Variants in PROKR1 observed in about 807,000 individuals in gnomAD.
PROKR1 encodes prokineticin receptor 1, also known as G protein-coupled receptor 73.
A neutral mutation model predicts 22.8 loss-of-function variants in PROKR1; 21 were observed. That is an observed-to-expected ratio of 0.92 (90% CI 0.65 to 1.32). The LOEUF (loss-of-function observed/expected upper bound fraction) is 1.32, where lower values mean the gene tolerates loss of function less well. PROKR1 is among the 40% of genes most tolerant of loss of function. PROKR1 has a pLI of 0.00. For synonymous variants in PROKR1, 193 were observed against 207.5 expected, an observed-to-expected ratio of 0.93 and a Z score of 0.60; for missense variants, 548 against 514.2, an observed-to-expected ratio of 1.07 and a Z score of -0.64.
Position 68,646,170 on chromosome 2 carries a change from C to T in PROKR1, c.349C>T (p.Pro117Ser), listed in dbSNP as rs778454102. 6.2e-7 allele frequency: 1 copy of T among 1,607,690 alleles called. No homozygotes were observed. Among genetic ancestry groups the T allele is most frequent in the Non-Finnish European group, 8.5e-7 (1 of 1,176,006 alleles). ...CTTCCTGGTGGCCATTGTCTGCTGCCCCTTTGAGATGGACTACTATGTGGT... is the reference window on the plus strand; with the variant it reads ...CTTCCTGGTGGCCATTGTCTGCTGCTCCTTTGAGATGGACTACTATGTGGT... ...SDFLVAIVCC[P>S]FEMDYYVVRQ... The change falls in exon 2 of 3, where the codon CCC (proline) becomes TCC (serine). Residue 117 changes from proline to serine, a missense_variant. By Grantham distance (74) the Pro-to-Ser change is moderately conservative. Transcript: ENST00000303786.
rs1673499941 is a variant in PROKR1, at chr2:68,657,634, G to C, written c.*2058G>C. 1 of 152,154 alleles carries C rather than the reference G, an allele frequency of 6.6e-6. No homozygotes were observed. The highest frequency in any genetic ancestry group is 1.5e-5 in the Non-Finnish European group (1 of 68,024). 9.4% of individuals were successfully genotyped at this position (152,154 alleles called of 1,614,324 possible). ...TGTTTTTATTCTCACGAGTGTGTAG[G>C]CTACAGCGTGGACTTGTCTTTTTCT... On this transcript the variant is annotated 3_prime_UTR_variant, in exon 3 of 3. Coordinates refer to ENST00000303786, the MANE Select transcript of PROKR1 (RefSeq NM_138964.4).
In PROKR1 at chr2:68,645,924, T is replaced by C. The variant is rs1355234114; in HGVS notation, c.103T>C (p.Phe35Leu). 1.2e-6 allele frequency: 2 copies of C among 1,614,178 alleles called. No homozygotes were observed. The highest frequency in any genetic ancestry group is 1.7e-6 in the Non-Finnish European group (2 of 1,180,028). Residue 35 changes from phenylalanine (F) to leucine (L), a missense_variant, in exon 2 of 3, where the codon TTC becomes CTC. Coordinates refer to ENST00000303786, the MANE Select transcript of PROKR1 (RefSeq NM_138964.4). ...PHGAHATSFPFNFSYSDYDMP... is the reference protein window; with the variant it reads ...PHGAHATSFPLNFSYSDYDMP... ...TGGAGCCCATGCCACTTCCTTCCCATTCAACTTCAGCTACAGCGACTATGA... is the reference window on the plus strand; with the variant it reads ...TGGAGCCCATGCCACTTCCTTCCCACTCAACTTCAGCTACAGCGACTATGA...
In PROKR1 at chr2:68,654,880, G is replaced by T. The variant is rs1012305927; in HGVS notation, c.486G>T (p.Arg162Ser). The T allele has an allele frequency of 1.2e-5, 20 of 1,610,676 alleles. No homozygotes were observed. Among genetic ancestry groups the T allele is most frequent in the Non-Finnish European group, 1.6e-5 (19 of 1,177,884 alleles). The stretch of plus-strand genomic sequence containing the variant: ...GCCTCCACTTGTGTTCTTGCCCTAG[G>T]TATCTGGCTATTGTCCATCCGCTGA... ...TNALLAIAID[R>S]YLAIVHPLRP... Residue 162 changes from arginine (R) to serine (S), a missense_variant and splice_region_variant, in exon 3 of 3, where the codon AGG (arginine) becomes AGT (serine). By Grantham distance (110) the Arg-to-Ser change is moderately radical. Transcript: ENST00000303786.
chr2:68,655,573 A>C lies in PROKR1; in HGVS notation c.1179A>C (p.Lys393Asn). 1 of 1,613,758 alleles carries C rather than the reference A, an allele frequency of 6.2e-7. No individual in the cohort carries two copies. Among genetic ancestry groups the C allele is most frequent in the African/African-American group, 1.3e-5 (1 of 75,064 alleles). ...AAGAGGTGGACTGCATCAGACTAAA[A>C]TAACCCCCTGGACTTTGCAAAGTTT... is the stretch of plus-strand genomic sequence containing the variant. ...ATEEVDCIRLK is the reference protein window; with the variant it reads ...ATEEVDCIRLN Residue 393 changes from lysine (K) to asparagine (N), a missense_variant, in exon 3 of 3, where the codon AAA (lysine) becomes AAC (asparagine). Coordinates refer to ENST00000303786, the MANE Select transcript of PROKR1 (RefSeq NM_138964.4).
At chr2:68,652,346 G>A (rs1311266986) in intron 2 of PROKR1, among the ~76,000 whole-genome samples, 3 of 152,146 alleles carry the variant, frequency 2.0e-5, no homozygotes, top group Non-Finnish European at 4.4e-5. Flanking sequence ...CTAGAGTTCT[G>A]GAGTTCTGGT....
At chr2:68,654,741 T>A (rs1673402889) in intron 2 of PROKR1, 139 bp from the exon 3 acceptor site, 9 of 794,040 alleles carry the variant, frequency 1.1e-5, no homozygotes. Context: ...GAGGCTGCAG[T>A]GAGCTATGAT....
chr2:68,655,315 C>T lies in PROKR1; in HGVS notation c.921C>T (p.Arg307=), dbSNP rs759256884. The change falls in exon 3 of 3, where the codon CGC becomes CGT. Residue 307 remains arginine (R), a synonymous_variant. Coordinates refer to ENST00000303786, the MANE Select transcript of PROKR1 (RefSeq NM_138964.4). ...CCTTCTACGGCTTCACCATCGTGCG[C>T]GACTTCTTCCCCACCGTGTTTGTGA... ...WAPFYGFTIV[R]DFFPTVFVKE... 8.7e-6 allele frequency: 14 copies of T among 1,614,258 alleles called. 1 individual carries two copies. The African/African-American group carries it at 9.3e-5, about 11-fold the overall frequency.
intron 2 of PROKR1, among the ~76,000 whole-genome samples, chr2:68,651,048 GGGAGT>G (rs1193442335): frequency 6.6e-6 from 1 of 152,174 alleles, no homozygotes; most frequent in Non-Finnish European, 1.5e-5. Flanking sequence ...GCCAGGCAGA[GGGAGT>G]CAGACCTGAG....
chr2:68,644,458 A>G (rs551144613), intron 1 of PROKR1, among the ~76,000 whole-genome samples: 15 of 152,260 alleles, frequency 9.9e-5, no homozygotes, highest in African/African-American at 3.4e-4. Context: ...GGAAAAAATC[A>G]GGGTAAGGAG....
intron 2 of PROKR1, 126 bp downstream of exon 2, chr2:68,646,432 T>C: frequency 2.2e-6 from 3 of 1,383,982 alleles, no homozygotes; most frequent in Admixed American, 2.0e-5. Flanking sequence ...TGTGGTTGCA[T>C]GGGGGACTCA....
At chr2:68,649,848 G>A (rs1673273189) in intron 2 of PROKR1, among the ~76,000 whole-genome samples, 2 of 152,148 alleles carry the variant, frequency 1.3e-5, no homozygotes, top group African/African-American at 4.8e-5. Flanking sequence ...GAACAAACCA[G>A]ATGGGTTCTA....
At chr2:68,650,790 G>T (rs956181342) in intron 2 of PROKR1, among the ~76,000 whole-genome samples, 3 of 152,182 alleles carry the variant, frequency 2.0e-5, no homozygotes, top group Non-Finnish European at 4.4e-5. Context: ...AGATCATTTT[G>T]TGCCGGAGTA....
In PROKR1 at chr2:68,655,788, A is replaced by C. The variant is rs1196996582; in HGVS notation, c.*212A>C. 3 of 605,436 alleles carry C rather than the reference A, an allele frequency of 5.0e-6. No individual in the cohort carries two copies. The highest frequency in any genetic ancestry group is 8.8e-6 in the Non-Finnish European group (3 of 341,590). 37.5% of individuals were successfully genotyped at this position (605,436 alleles called of 1,614,324 possible). A position where few individuals can be genotyped will look rare whatever the true frequency, so the allele number is the denominator to read the frequency against. ...GTGGCATTTGCTGAATGTCTAATTT[A>C]CACGCCAGTAGGTACTGGTAAAACC... On this transcript the variant is annotated 3_prime_UTR_variant, in exon 3 of 3. Transcript: ENST00000303786.
rs371965189 is a variant in PROKR1 at position 68,655,145 on chromosome 2, T to C, written c.751T>C (p.Cys251Arg). ...GGGCCCCGTGGTCACCATGACCCTG[T>C]GCTATGCCAGGATCTCCCGGGAGCT... Reference protein sequence around the residue: ...FVGPVVTMTLCYARISRELWF... With the variant: ...FVGPVVTMTLRYARISRELWF... The change falls in exon 3 of 3, where the codon TGC (cysteine) becomes CGC (arginine). Residue 251 changes from cysteine (C) to arginine (R), a missense_variant. Physicochemically the swap from Cys to Arg is radical, Grantham distance 180 (BLOSUM62 -3). Transcript: ENST00000303786. 15 of 1,614,116 alleles carry C rather than the reference T, an allele frequency of 9.3e-6. No homozygotes were observed. In the African/African-American group the frequency reaches 1.9e-4, roughly 20 times the overall value.
At chr2:68,647,521 C>T (rs1272767128) in intron 2 of PROKR1, among the ~76,000 whole-genome samples, 1 of 152,186 alleles carries the variant, frequency 6.6e-6, no homozygotes, top group African/African-American at 2.4e-5. Context: ...TGACCTGGCC[C>T]TCACAGTCAG....
chr2:68,644,924 G>T (rs35636596), intron 1 of PROKR1, among the ~76,000 whole-genome samples: 11,857 of 152,190 alleles, frequency 0.078, 1,329 homozygotes, highest in African/African-American at 0.25. Flanking sequence ...GACAGAGGAG[G>T]CCTGAGAGCG....
At position 68,658,033 on chromosome 2, in the gene PROKR1, G is replaced by A. The variant is rs772535084; in HGVS notation, c.*2457G>A. 1.3e-5 allele frequency: 2 copies of A among 152,142 alleles called. No homozygotes were observed. The highest frequency in any genetic ancestry group is 2.9e-5 in the Non-Finnish European group (2 of 68,030). 9.4% of individuals were successfully genotyped at this position (152,142 alleles called of 1,614,324 possible). On this transcript the variant is annotated 3_prime_UTR_variant, in exon 3 of 3. Transcript: ENST00000303786. The stretch of plus-strand genomic sequence containing the variant: ...ACAATTTATTGTCATTATGTTCACC[G>A]CTTTCATTAAGAATGCTAAACAAGA...
chr2:68,654,858 T>A, intron 2 of PROKR1, 22 bp from the exon 3 acceptor site: 1 of 1,510,246 alleles, frequency 6.6e-7, no homozygotes. Flanking sequence ...AGTGGCTGCC[T>A]CCACTTGTGT....
intron 2 of PROKR1, among the ~76,000 whole-genome samples, chr2:68,648,003 A>G (rs1673228958): frequency 6.6e-6 from 1 of 152,140 alleles, no homozygotes; most frequent in Non-Finnish European, 1.5e-5. Flanking sequence ...TTGTCTCTGA[A>G]CTTTTTTGAA....
Sources: gnomAD v4.1 joint callset for allele counts (sites outside exome capture counted in the v4.1 genomes callset) on GRCh38, gnomAD v4.1.1 for gene constraint, MANE v1.5 for transcripts, NCBI Gene and HGNC (gene_info 2026-07-23, HGNC 2026-07-21) for gene names.